Variants in PARD3B observed in about 807,000 individuals in gnomAD.
PARD3B encodes the protein par-3 family cell polarity regulator beta.
PARD3B carries 103 observed loss-of-function variants against 130.2 expected under a neutral mutation model. That is an observed-to-expected ratio of 0.79 (90% CI 0.67 to 0.93). PARD3B has a LOEUF of 0.93. PARD3B is among the 40% of genes least tolerant of loss of function. The probability of loss-of-function intolerance (pLI) is 0.00; values close to 1 mark genes in which losing one functional copy is unlikely to be tolerated. For synonymous variants in PARD3B, 583 were observed against 553.2 expected (o/e 1.05, Z -0.76); for missense variants, 1,609 against 1,499.2 (o/e 1.07, Z -1.21).
Position 204,586,648 on chromosome 2 carries a change from C to T in PARD3B, c.120+40529C>T, listed in dbSNP as rs1043831169. 2.6e-5 allele frequency among the ~76,000 whole-genome samples: 4 copies of T among 152,230 alleles called. No individual in the cohort carries two copies. The East Asian group carries it at 5.8e-4, about 22-fold the overall frequency. ...ACAATCAGAAAGAACATGTAGGTCT[C>T]GAATTTATGACTTCCATAAATCTAC... is the stretch of plus-strand genomic sequence containing the variant. On this transcript the variant is annotated intron_variant, in intron 1 of 22. Coordinates refer to ENST00000406610, the MANE Select transcript of PARD3B (RefSeq NM_001302769.2).
chr2:205,485,666 A>G (rs2049410856), intron 20 of PARD3B, among the ~76,000 whole-genome samples: 3 of 152,116 alleles, frequency 2.0e-5, no homozygotes, highest in African/African-American at 7.2e-5. Flanking sequence ...CATCCCCTTT[A>G]GAAAGATTGG....
intron 3 of PARD3B, among the ~76,000 whole-genome samples, chr2:205,036,983 A>G (rs539947580): frequency 7.3e-5 from 11 of 150,754 alleles, no homozygotes; most frequent in Non-Finnish European, 4.4e-5. Context: ...TATATATAAA[A>G]AACATATATA....
chr2:204,858,708 G>T (rs148680425), intron 2 of PARD3B, among the ~76,000 whole-genome samples: 1 of 149,336 alleles, frequency 6.7e-6, no homozygotes, highest in Non-Finnish European at 1.5e-5. Flanking sequence ...GTGAGATGAT[G>T]GGTGTGTTAA....
intron 3 of PARD3B, among the ~76,000 whole-genome samples, chr2:205,024,588 T>C (rs1696876710): frequency 6.6e-6 from 1 of 152,212 alleles, no homozygotes. Flanking sequence ...TCCAGATATG[T>C]TGATCAACTT....
intron 3 of PARD3B, among the ~76,000 whole-genome samples, chr2:204,981,126 A>G (rs1692631126): frequency 2.0e-5 from 3 of 152,210 alleles, no homozygotes; most frequent in Non-Finnish European, 2.9e-5. Flanking sequence ...CCTGTGAAGT[A>G]ACTAAACCTC....
intron 4 of PARD3B, among the ~76,000 whole-genome samples, chr2:205,053,429 G>C (rs998768306): frequency 2.0e-5 from 3 of 152,052 alleles, no homozygotes; most frequent in Admixed American, 2.0e-4. Flanking sequence ...CCTGAGGTTA[G>C]GAGTTCGAGA....
chr2:204,931,791 TG>T (rs1322883079), intron 2 of PARD3B, among the ~76,000 whole-genome samples: 2 of 151,664 alleles, frequency 1.3e-5, no homozygotes, highest in African/African-American at 4.8e-5. Context: ...AAACTAAGAG[TG>T]GGGGGCAGGG....
intron 14 of PARD3B, among the ~76,000 whole-genome samples, chr2:205,189,519 A>G (rs1363888143): frequency 6.6e-6 from 1 of 152,180 alleles, no homozygotes; most frequent in African/African-American, 2.4e-5. Context: ...CCTGCTGTCA[A>G]CTTCCAGCTT....
Position 205,530,798 on chromosome 2 carries a change from C to T in PARD3B, c.3181-22526C>T, listed in dbSNP as rs1239353872. On this transcript the variant is annotated intron_variant, in intron 21 of 22. Transcript: ENST00000406610. The surrounding 1 kb of genome is among the most constrained non-coding windows in gnomAD (Gnocchi z 4.7). ...TGGCCACACAGATACTCATGCTGGACGATTCAAGAAGATGAAATGGGGAAG... is the reference window on the plus strand; with the variant it reads ...TGGCCACACAGATACTCATGCTGGATGATTCAAGAAGATGAAATGGGGAAG... Among the ~76,000 whole-genome samples the T allele has an allele frequency of 1.3e-5, 2 of 152,040 alleles. No homozygotes were observed. Among genetic ancestry groups the T allele is most frequent in the Non-Finnish European group, 1.5e-5 (1 of 68,034 alleles).
At chr2:204,994,868 T>G (rs1694014958) in intron 3 of PARD3B, among the ~76,000 whole-genome samples, 1 of 151,896 alleles carries the variant, frequency 6.6e-6, no homozygotes, top group African/African-American at 2.4e-5. Flanking sequence ...CTTTGTTGGT[T>G]TAAAGTCTGT....
chr2:205,557,735 A>C (rs1398300285), intron 22 of PARD3B, among the ~76,000 whole-genome samples: 1 of 152,124 alleles, frequency 6.6e-6, no homozygotes, highest in African/African-American at 2.4e-5. Flanking sequence ...AGGATTTTTT[A>C]TTGTTAGCTC....
At chr2:205,517,010 C>T (rs1380818993) in intron 21 of PARD3B, among the ~76,000 whole-genome samples, 1 of 152,116 alleles carries the variant, frequency 6.6e-6, no homozygotes, top group African/African-American at 2.4e-5. Flanking sequence ...TTTTCTGCGT[C>T]TATTGAGATA....
At chr2:204,912,608 C>T (rs569584725) in intron 2 of PARD3B, among the ~76,000 whole-genome samples, 1 of 152,002 alleles carries the variant, frequency 6.6e-6, no homozygotes, top group Non-Finnish European at 1.5e-5. Flanking sequence ...TCATTAAGAA[C>T]AATTGAGAAT....
chr2:205,529,730 C>A (rs2051502401), intron 21 of PARD3B, among the ~76,000 whole-genome samples: 1 of 152,160 alleles, frequency 6.6e-6, no homozygotes, highest in African/African-American at 2.4e-5. Context: ...TGGTTATCTG[C>A]TGGTTATTTT....
chr2:205,132,566 A>G (rs1348501554), intron 10 of PARD3B, among the ~76,000 whole-genome samples: 1 of 152,126 alleles, frequency 6.6e-6, no homozygotes, highest in African/African-American at 2.4e-5. Context: ...AGTCTAGTTT[A>G]TGGAACCTTA....
chr2:205,599,351 A>C (rs1030910306), intron 22 of PARD3B, among the ~76,000 whole-genome samples: 4 of 152,228 alleles, frequency 2.6e-5, no homozygotes, highest in Non-Finnish European at 5.9e-5. Context: ...ACATCTAAAA[A>C]GTCTAATGTT....
At chr2:205,020,586 G>A (rs185366408) in intron 3 of PARD3B, among the ~76,000 whole-genome samples, 1 of 152,190 alleles carries the variant, frequency 6.6e-6, no homozygotes, top group East Asian at 1.9e-4. Flanking sequence ...GGGAAGAGTT[G>A]ATATTTTAAG....
At chr2:204,608,830 G>C (rs2033823935) in intron 1 of PARD3B, among the ~76,000 whole-genome samples, 1 of 152,192 alleles carries the variant, frequency 6.6e-6, no homozygotes, top group Non-Finnish European at 1.5e-5. Context: ...AAGTTTCTCA[G>C]AGCAAAAGAA....
chr2:205,331,782 CAAAAAAAAAA>C (rs56654511), intron 18 of PARD3B, among the ~76,000 whole-genome samples: 6 of 48,392 alleles, frequency 1.2e-4, no homozygotes, highest in African/African-American at 4.3e-4. Context: ...GACTCCGTCT[CAAAAAAAAAA>C]AAAAAAAAAA....
Sources: gnomAD v4.1 joint callset for allele counts (sites outside exome capture counted in the v4.1 genomes callset) on GRCh38, gnomAD v4.1.1 for gene constraint, Gnocchi (gnomAD v3.1) non-coding constraint, MANE v1.5 for transcripts, NCBI Gene and HGNC (gene_info 2026-07-23, HGNC 2026-07-21) for gene names.